The following ZNF197 variants were observed in gnomAD, a reference collection of about 807,000 sequenced individuals.
ZNF197 encodes the protein zinc finger protein 197, also known as VHL-associated KRAB-A domain-containing protein.
ZNF197 carries 14 observed loss-of-function variants against 27.4 expected under a neutral mutation model. The ratio of observed to expected loss-of-function variants is 0.51; its 90% CI spans 0.34 to 0.80. The LOEUF is 0.80. ZNF197 is among the 30% of genes least tolerant of loss of function. The pLI is 0.02. For missense variants in ZNF197, 1,090 were observed against 1,222.6 expected, an observed-to-expected ratio of 0.89 and a Z score of 1.62; for synonymous variants, 415 against 420.0, an observed-to-expected ratio of 0.99 and a Z score of 0.15.
At position 44,642,172 on chromosome 3, in the gene ZNF197, G is replaced by GGA; in HGVS notation, c.1045_1046dup (p.Asp349GlufsTer4). The stretch of plus-strand genomic sequence containing the variant: ...ACAAGGCCAAAAGTGGAAGGAATTA[G>GGA]GAGACAGCTTGACTTTCGGTTCAGC... On this transcript the variant is annotated frameshift_variant, in exon 6 of 6. Coordinates refer to ENST00000344387, the MANE Select transcript of ZNF197 (RefSeq NM_006991.5). LOFTEE classifies it low-confidence loss of function (END_TRUNC). 6.2e-7 allele frequency: 1 copy of GGA among 1,614,166 alleles called. No homozygotes were observed. Among genetic ancestry groups the GGA allele is most frequent in the African/African-American group, 1.3e-5 (1 of 75,054 alleles).
At chr3:44,641,779 T>G in intron 5 of ZNF197, 121 bp from the exon 6 acceptor site, 3 of 1,156,638 alleles carry the variant, frequency 2.6e-6, no homozygotes, top group Non-Finnish European at 2.4e-6. Flanking sequence ...AATGAAAAGT[T>G]TCTCCTTTTT....
Position 44,644,246 on chromosome 3 carries a change from C to T in ZNF197, c.*26C>T. 5.2e-6 allele frequency: 8 copies of T among 1,550,078 alleles called. No homozygotes were observed. Among genetic ancestry groups the T allele is most frequent in the Non-Finnish European group, 6.1e-6 (7 of 1,154,482 alleles). ...TGTCATATGTAAAATGGAATAGAAT[C>T]CCTGCCTACTTAAGTAACTGTTGGA... On this transcript the variant is annotated 3_prime_UTR_variant, in exon 6 of 6. Transcript: ENST00000344387.
Position 44,647,233 on chromosome 3 carries a change from C to T in ZNF197, c.*3013C>T, listed in dbSNP as rs1703004139. The T allele has an allele frequency of 6.6e-6, 1 of 150,666 alleles. No homozygotes were observed. Among genetic ancestry groups the T allele is most frequent in the Non-Finnish European group, 1.5e-5 (1 of 67,828 alleles). The allele number at this position is 150,666 out of a possible 1,614,324, so 9.3% of individuals were successfully genotyped here. A position where few individuals can be genotyped will look rare whatever the true frequency, so the allele number is the denominator to read the frequency against. On this transcript the variant is annotated 3_prime_UTR_variant, in exon 6 of 6. Transcript: ENST00000344387. ...TGAAAAGATGTTCAACATCATTAGG[C>T]ATGAGGGAAATGCAGAGTAAAATCG...
Position 44,644,062 on chromosome 3 carries a change from A to G in ZNF197, c.2932A>G (p.Lys978Glu). 3 of 1,614,166 alleles carry G rather than the reference A, an allele frequency of 1.9e-6. No homozygotes were observed. Among genetic ancestry groups the G allele is most frequent in the Non-Finnish European group, 2.5e-6 (3 of 1,180,024 alleles). Reference protein sequence around the residue: ...RQRKNLTVHQKIHTDEKPCEC... With the variant: ...RQRKNLTVHQEIHTDEKPCEC... ...AAGAAAAAACCTTACTGTACATCAG[A>G]AAATCCACACAGATGAAAAACCTTG... The change falls in exon 6 of 6, where the codon AAA becomes GAA. Residue 978 changes from lysine to glutamate, a missense_variant. Lys to Glu is a moderately conservative substitution (Grantham distance 56, BLOSUM62 1). Transcript: ENST00000344387.
chr3:44,625,256 C>G (rs913693472), intron 1 of ZNF197, 113 bp downstream of exon 1: 2 of 152,408 alleles, frequency 1.3e-5, no homozygotes, highest in Admixed American at 1.3e-4. Context: ...GGCCCTGACC[C>G]CCGGCATGGT....
chr3:44,635,365 G>A (rs1306732094), intron 5 of ZNF197, among the ~76,000 whole-genome samples: 4 of 152,108 alleles, frequency 2.6e-5, no homozygotes, highest in Admixed American at 6.6e-5. Context: ...TTAAAGAAAT[G>A]GTTCAGAAAG....
rs1461961667 is a variant in ZNF197 at position 44,640,807 on chromosome 3, A to G, written c.770-1093A>G. 6.6e-6 allele frequency among the ~76,000 whole-genome samples: 1 copy of G among 152,222 alleles called. No homozygotes were observed. The highest frequency in any genetic ancestry group is 1.9e-4 in the East Asian group (1 of 5,200). ...TGACTGGCAGTCCTGCCTGAGTCCTAGAGAGAAGGGCAGTTGAGATGAGAT... is the reference window on the plus strand; with the variant it reads ...TGACTGGCAGTCCTGCCTGAGTCCTGGAGAGAAGGGCAGTTGAGATGAGAT... On this transcript the variant is annotated intron_variant, in intron 5 of 5. Coordinates refer to ENST00000344387, the MANE Select transcript of ZNF197 (RefSeq NM_006991.5). The surrounding 1 kb of genome is among the most constrained non-coding windows in gnomAD (Gnocchi z 4.0).
rs879542174 is a variant in ZNF197 at position 44,647,635 on chromosome 3, T to C, written c.*3415T>C. The stretch of plus-strand genomic sequence containing the variant: ...GTTACTCTGCAATAAAATTGACTTA[T>C]TGATATCCATAACAACTCAAATAAA... On this transcript the variant is annotated 3_prime_UTR_variant, in exon 6 of 6. Coordinates refer to ENST00000344387, the MANE Select transcript of ZNF197 (RefSeq NM_006991.5). 5.9e-5 allele frequency: 9 copies of C among 152,316 alleles called. No homozygotes were observed. The highest frequency in any genetic ancestry group is 3.9e-4 in the East Asian group (2 of 5,192). The allele number at this position is 152,316 out of a possible 1,614,324, so 9.4% of individuals were successfully genotyped here.
At chr3:44,638,564 A>C (rs1575483668) in intron 5 of ZNF197, among the ~76,000 whole-genome samples, 1 of 152,174 alleles carries the variant, frequency 6.6e-6, no homozygotes, top group South Asian at 2.1e-4. Flanking sequence ...GATGCCTTTT[A>C]TTTCTTTCTC....
chr3:44,643,338 T>G lies in ZNF197; in HGVS notation c.2208T>G (p.Cys736Trp). 1 of 1,613,920 alleles carries G rather than the reference T, an allele frequency of 6.2e-7. No individual in the cohort carries two copies. ...ATACACAAGAGAAAGCCTACAAATG[T>G]GAGGATTGTGGGAAGGCTTTCAGTT... Reference protein sequence around the residue: ...KLHTQEKAYKCEDCGKAFSYN... With the variant: ...KLHTQEKAYKWEDCGKAFSYN... Residue 736 changes from cysteine (C) to tryptophan (W), a missense_variant, in exon 6 of 6, where the codon TGT (cysteine) becomes TGG (tryptophan). Physicochemically the swap from Cys to Trp is radical, Grantham distance 215. Transcript: ENST00000344387.
Position 44,644,856 on chromosome 3 carries a change from T to G in ZNF197, c.*636T>G, listed in dbSNP as rs1280564147. The G allele has an allele frequency of 1.5e-5, 14 of 958,294 alleles. No homozygotes were observed. The highest frequency in any genetic ancestry group is 1.6e-5 in the Non-Finnish European group (13 of 805,430). 59.4% of individuals were successfully genotyped at this position (958,294 alleles called of 1,614,324 possible). On this transcript the variant is annotated 3_prime_UTR_variant, in exon 6 of 6. Transcript: ENST00000344387. ...GTAACACGGGGAGACCCGTCTTTAGTAAATAAAAATAAATTTATTAATAAA... is the reference window on the plus strand; with the variant it reads ...GTAACACGGGGAGACCCGTCTTTAGGAAATAAAAATAAATTTATTAATAAA...
Position 44,645,530 on chromosome 3 carries a change from C to T in ZNF197, c.*1310C>T. 1.0e-6 allele frequency: 1 copy of T among 985,168 alleles called. No homozygotes were observed. The highest frequency in any genetic ancestry group is 1.7e-5 in the African/African-American group (1 of 57,262). The allele number at this position is 985,168 out of a possible 1,614,324, so 61.0% of individuals were successfully genotyped here. On this transcript the variant is annotated 3_prime_UTR_variant, in exon 6 of 6. Transcript: ENST00000344387. ...CCATTAACAGTGATGCCAAGGAAAA[C>T]AATTTATTTCCCAGCTTTTGAATTT...
intron 1 of ZNF197, among the ~76,000 whole-genome samples, chr3:44,626,751 C>T (rs1167913206): frequency 6.6e-6 from 1 of 152,176 alleles, no homozygotes; most frequent in East Asian, 1.9e-4. Flanking sequence ...TAAATTGGTT[C>T]AATCCTAGTG....
Position 44,644,871 on chromosome 3 carries a change from T to G in ZNF197, c.*651T>G, listed in dbSNP as rs979862528. 35 of 962,198 alleles carry G rather than the reference T, an allele frequency of 3.6e-5. No individual in the cohort carries two copies. Among genetic ancestry groups the G allele is most frequent in the Non-Finnish European group, 4.3e-5 (35 of 808,822 alleles). 59.6% of individuals were successfully genotyped at this position (962,198 alleles called of 1,614,324 possible). ...CCGTCTTTAGTAAATAAAAATAAAT[T>G]TATTAATAAAACTAAAAATTTAATA... On this transcript the variant is annotated 3_prime_UTR_variant, in exon 6 of 6. Transcript: ENST00000344387.
intron 1 of ZNF197, among the ~76,000 whole-genome samples, chr3:44,625,737 T>TGC (rs1192594099): frequency 1.3e-3 from 156 of 124,046 alleles, no homozygotes; most frequent in African/African-American, 4.0e-3. Context: ...TGCTGGCCTT[T>TGC]GCGCGCGCGC....
rs988746595 is a variant in ZNF197, at chr3:44,629,454, C to A, written c.300C>A (p.Thr100=). The A allele has an allele frequency of 8.7e-6, 14 of 1,613,578 alleles. No homozygotes were observed. In the South Asian group the frequency reaches 1.2e-4, roughly 14 times the overall value. Residue 100 remains threonine, a synonymous_variant, in exon 2 of 6, where the codon ACC becomes ACA. Coordinates refer to ENST00000344387, the MANE Select transcript of ZNF197 (RefSeq NM_006991.5). The part of the protein sequence containing the change: ...FLSILPGEIR[T]WVQLHHPGSG... ...GCATCCTGCCTGGGGAGATTCGGAC[C>A]TGGGTACAGCTCCATCACCCTGGAA...
At position 44,644,049 on chromosome 3, in the gene ZNF197, T is replaced by TA. The variant is rs1702801679; in HGVS notation, c.2920dup (p.Thr974AsnfsTer10). 1.2e-6 allele frequency: 2 copies of TA among 1,613,982 alleles called. No homozygotes were observed. The highest frequency in any genetic ancestry group is 2.2e-5 in the South Asian group (2 of 91,076). ...AAGTTTTTAGGCAAAGAAAAAACCT[T>TA]ACTGTACATCAGAAAATCCACACAG... On this transcript the variant is annotated frameshift_variant, in exon 6 of 6. Transcript: ENST00000344387. LOFTEE classifies it low-confidence loss of function (END_TRUNC).
At chr3:44,626,893 A>T (rs1250588711) in intron 1 of ZNF197, among the ~76,000 whole-genome samples, 21 of 152,210 alleles carry the variant, frequency 1.4e-4, no homozygotes, top group Admixed American at 1.4e-3. Flanking sequence ...TCATGATTAT[A>T]TTGTTGGTAA....
chr3:44,626,565 G>A (rs7623219), intron 1 of ZNF197, among the ~76,000 whole-genome samples: 151,005 of 152,398 alleles, frequency 0.99, 74,816 homozygotes, highest in East Asian at 1. Flanking sequence ...ACACCTCAAT[G>A]GAAACATGGG....
Sources: allele counts gnomAD v4.1 joint callset (sites outside exome capture counted in the v4.1 genomes callset), GRCh38; gene constraint gnomAD v4.1.1; non-coding constraint Gnocchi (gnomAD v3.1); transcripts MANE v1.5; gene names NCBI Gene and HGNC (gene_info 2026-07-23, HGNC 2026-07-21).